KDM4A: variants seen among roughly 807,000 people sequenced by gnomAD.
The protein encoded by KDM4A is lysine demethylase 4A.
In KDM4A, 23 loss-of-function variants were observed where a neutral mutation model predicts 127.1. The observed-to-expected ratio is 0.18, with a 90% CI of 0.13 to 0.26. The LOEUF (loss-of-function observed/expected upper bound fraction) is 0.26, where lower values mean the gene tolerates loss of function less well. KDM4A is among the 10% of genes least tolerant of loss of function. The probability of loss-of-function intolerance (pLI) is 1.00; values close to 1 mark genes in which losing one functional copy is unlikely to be tolerated. For missense variants in KDM4A, 890 were observed against 1,329.1 expected (o/e 0.67, Z 5.14); for synonymous variants, 443 against 466.5 (o/e 0.95, Z 0.65).
chr1:43,687,382 T>G (rs988332595), intron 12 of KDM4A, among the ~76,000 whole-genome samples: 1 of 152,120 alleles, frequency 6.6e-6, no homozygotes, highest in African/African-American at 2.4e-5. Context: ...TCAGGGGCCT[T>G]TGGGAAAGCA....
intron 9 of KDM4A, 138 bp downstream of exon 9, chr1:43,668,157 G>A (rs560931468): frequency 8.4e-6 from 10 of 1,187,876 alleles, no homozygotes; most frequent in East Asian, 2.4e-5. Flanking sequence ...ATGGAGTCTC[G>A]CTCTGTCGCC....
chr1:43,672,983 A>G (rs189045334), intron 11 of KDM4A, among the ~76,000 whole-genome samples: 1 of 152,280 alleles, frequency 6.6e-6, no homozygotes, highest in Non-Finnish European at 1.5e-5. Context: ...CCAGTATGAC[A>G]TTGATAGAGC....
Position 43,703,635 on chromosome 1 carries a change from T to A in KDM4A, c.2860T>A (p.Phe954Ile). The change falls in exon 20 of 22, where the codon TTT becomes ATT. Residue 954 changes from phenylalanine to isoleucine, a missense_variant. Physicochemically the swap from Phe to Ile is conservative, Grantham distance 21. Coordinates refer to ENST00000372396, the MANE Select transcript of KDM4A (RefSeq NM_014663.3). ...EDIVSQDCLQ[F>I]GPPAEGEVVQ... ...TCCTCAGAGCCAGGACTGTCTCCAG[T>A]TTGGTCCTCCTGCTGAAGGGGAAGT... The A allele has an allele frequency of 5.0e-6, 8 of 1,614,044 alleles. No homozygotes were observed. The highest frequency in any genetic ancestry group is 6.8e-6 in the Non-Finnish European group (8 of 1,179,946).
At chr1:43,661,761 A>T (rs2154046769) in intron 4 of KDM4A, among the ~76,000 whole-genome samples, 1 of 152,260 alleles carries the variant, frequency 6.6e-6, no homozygotes, top group African/African-American at 2.4e-5. Flanking sequence ...AGGCATAATA[A>T]TAATACAGGA....
intron 19 of KDM4A, 190 bp from the exon 20 acceptor site, chr1:43,703,427 G>A (rs1394688826): frequency 3.7e-6 from 2 of 534,002 alleles, no homozygotes; most frequent in Non-Finnish European, 6.4e-6. Flanking sequence ...CTAGAAGCAG[G>A]AGAGGGCAGA....
chr1:43,663,301 G>A (rs553379094), intron 5 of KDM4A, among the ~76,000 whole-genome samples: 1 of 152,304 alleles, frequency 6.6e-6, no homozygotes, highest in Non-Finnish European at 1.5e-5. Context: ...AGGCTTTAGA[G>A]AGCAGGGTGC....
intron 2 of KDM4A, among the ~76,000 whole-genome samples, chr1:43,654,090 C>T (rs1253515654): frequency 2.0e-5 from 3 of 152,218 alleles, no homozygotes; most frequent in Non-Finnish European, 4.4e-5. Flanking sequence ...AGACTTGAGA[C>T]GACCACATCC....
chr1:43,658,152 C>T (rs966855512), intron 3 of KDM4A, among the ~76,000 whole-genome samples: 4 of 150,020 alleles, frequency 2.7e-5, no homozygotes, highest in Non-Finnish European at 5.9e-5. Flanking sequence ...TCACTGCAAT[C>T]TCTGCCTCCC....
chr1:43,689,036 A>G lies in KDM4A; in HGVS notation c.1978A>G (p.Thr660Ala), dbSNP rs113161002. Residue 660 changes from threonine (T) to alanine (A), a missense_variant, in exon 13 of 22, where the codon ACC becomes GCC. This residue lies in a region of KDM4A where 389 missense variants were observed against 485.9 expected (regional missense o/e 0.80). Transcript: ENST00000372396. The stretch of plus-strand genomic sequence containing the variant: ...TGAGGCTGAGAAGGAATTCAATGAG[A>G]CCATGGCCCAACAGGCCCCTCACTG... ...NFEAEKEFNE[T>A]MAQQAPHCAV... 1 of 1,614,218 alleles carries G rather than the reference A, an allele frequency of 6.2e-7. No individual in the cohort carries two copies. The highest frequency in any genetic ancestry group is 8.5e-7 in the Non-Finnish European group (1 of 1,180,042).
intron 5 of KDM4A, among the ~76,000 whole-genome samples, chr1:43,664,217 T>C (rs1660449658): frequency 6.6e-6 from 1 of 151,530 alleles, no homozygotes. Flanking sequence ...AGCTGGGAGA[T>C]TGAGGGAAGT....
rs1253137960 is a variant in KDM4A at position 43,688,419 on chromosome 1, T to G, written c.1856-495T>G. Among the ~76,000 whole-genome samples the G allele has an allele frequency of 6.6e-6, 1 of 152,194 alleles. No individual in the cohort carries two copies. Among genetic ancestry groups the G allele is most frequent in the Non-Finnish European group, 1.5e-5 (1 of 68,036 alleles). On this transcript the variant is annotated intron_variant, in intron 12 of 21. Transcript: ENST00000372396. This position sits in a 1 kb window ranked among gnomAD's most constrained non-coding sequence, Gnocchi z 4.4. ...CTTTCCAGAGGAAGCTGGTAAGTCC[T>G]GGCCAAGGACCATGATATTACAACT...
At position 43,667,221 on chromosome 1, in the gene KDM4A, C is replaced by T. The variant is rs183743280; in HGVS notation, c.915+130C>T. 107 of 976,752 alleles carry T rather than the reference C, an allele frequency of 1.1e-4. No individual in the cohort carries two copies. In the East Asian group the frequency reaches 2.3e-3, roughly 21 times the overall value. 60.5% of individuals were successfully genotyped at this position (976,752 alleles called of 1,614,324 possible). On this transcript the variant is annotated intron_variant, in intron 8 of 21. Coordinates refer to ENST00000372396, the MANE Select transcript of KDM4A (RefSeq NM_014663.3). ...CAGAAACAAGCAGCTAGCAATGTGT[C>T]AGAGTACTAACATTTTGTGTTCATA...
At chr1:43,664,559 C>T (rs1007995390) in intron 5 of KDM4A, among the ~76,000 whole-genome samples, 12 of 152,132 alleles carry the variant, frequency 7.9e-5, no homozygotes, top group African/African-American at 2.9e-4. Flanking sequence ...TATCCACTTT[C>T]AGGTCTTTTT....
intron 8 of KDM4A, 97 bp downstream of exon 8, chr1:43,667,188 C>G: frequency 7.3e-7 from 1 of 1,374,950 alleles, no homozygotes; most frequent in Non-Finnish European, 1.0e-6. Context: ...CTTTGAGCTG[C>G]TGGAATTCAG....
At chr1:43,689,645 T>TTCATTGGTGGATCTCTTTGGGTCC (rs574359609) in intron 13 of KDM4A, among the ~76,000 whole-genome samples, 137 of 152,296 alleles carry the variant, frequency 9.0e-4, no homozygotes, top group African/African-American at 3.2e-3. Flanking sequence ...CATCTGTGGC[T>TTCATTGGTGGATCTCTTTGGGTCC]TCATTGGTGG....
chr1:43,700,110 T>G (rs541869181), intron 19 of KDM4A: 1 of 152,222 alleles, frequency 6.6e-6, no homozygotes, highest in African/African-American at 2.4e-5. Context: ...TGCGTAGATA[T>G]GTAATTGGAA....
rs1466501918 is a variant in KDM4A at position 43,655,487 on chromosome 1, T to C, written c.139-104T>C. ...ATGTGGGTAAATCAAAGTAACTGTC[T>C]AGTAAAATTGACTGTTAGGTTGGCT... is the stretch of plus-strand genomic sequence containing the variant. On this transcript the variant is annotated intron_variant, in intron 2 of 21. Coordinates refer to ENST00000372396, the MANE Select transcript of KDM4A (RefSeq NM_014663.3). The C allele has an allele frequency of 1.2e-5, 11 of 949,334 alleles. No individual in the cohort carries two copies. In the East Asian group the frequency reaches 2.5e-4, roughly 22 times the overall value. The allele number at this position is 949,334 out of a possible 1,614,324, so 58.8% of individuals were successfully genotyped here.
At chr1:43,660,539 C>A (rs1391064335) in intron 4 of KDM4A, 127 bp downstream of exon 4, 52 of 1,330,424 alleles carry the variant, frequency 3.9e-5, no homozygotes, top group Non-Finnish European at 4.9e-5. Flanking sequence ...TGATCTACCC[C>A]CAGCTGATGT....
chr1:43,699,311 G>A (rs1661324541), intron 19 of KDM4A, among the ~76,000 whole-genome samples: 1 of 152,074 alleles, frequency 6.6e-6, no homozygotes, highest in Non-Finnish European at 1.5e-5. Flanking sequence ...TGCTCAGGCT[G>A]GTTTCGATCT....
Sources: allele counts gnomAD v4.1 joint callset (sites outside exome capture counted in the v4.1 genomes callset), GRCh38; gene constraint gnomAD v4.1.1; regional missense constraint gnomAD v4.1.1; non-coding constraint Gnocchi (gnomAD v3.1); transcripts MANE v1.5; gene names NCBI Gene and HGNC (gene_info 2026-07-23, HGNC 2026-07-21).